The following HYDIN variants were observed in gnomAD, a reference collection of about 807,000 sequenced individuals.
HYDIN encodes the protein axonemal central pair apparatus protein HYDIN.
HYDIN carries 132 observed loss-of-function variants against 403.9 expected under a neutral mutation model. That is an observed-to-expected ratio of 0.33 (90% confidence interval 0.28 to 0.38). The LOEUF is 0.38. HYDIN is among the 10% of genes least tolerant of loss of function. The pLI is 1.00. For missense variants in HYDIN, 2,827 were observed against 5,009.5 expected (o/e 0.56, Z 13.15); for synonymous variants, 1,202 against 1,891.7 (o/e 0.64, Z 9.46).
At chr16:71,010,147 GTGGC>G (rs1272223284) in intron 23 of HYDIN, among the ~76,000 whole-genome samples, 1 of 144,632 alleles carries the variant, frequency 6.9e-6, no homozygotes, top group African/African-American at 2.6e-5. Context: ...AAAATAGGCT[GTGGC>G]CCCTGATTCT....
chr16:70,820,421 T>C (rs1471587747), intron 83 of HYDIN, among the ~76,000 whole-genome samples: 13 of 150,310 alleles, frequency 8.6e-5, no homozygotes, highest in South Asian at 4.3e-4. Context: ...CCTTGTGATC[T>C]GCTCGCCTCG....
rs191641560 is a variant in HYDIN, at chr16:70,877,629, T to C, written c.10557+1668A>G. 3.3e-3 allele frequency among the ~76,000 whole-genome samples: 509 copies of C among 152,244 alleles called. 4 individuals are homozygous for C. Among genetic ancestry groups the C allele is most frequent in the Non-Finnish European group, 5.8e-3 (393 of 68,016 alleles). The stretch of plus-strand genomic sequence containing the variant: ...CAGCCTAGATCCCTCACACGTGCAG[T>C]TCAAAATAGGGTTTGCACTCCTATG... On this transcript the variant is annotated intron_variant, in intron 62 of 85. Transcript: ENST00000393567.
At chr16:71,212,290 G>C (rs1465400929) in intron 1 of HYDIN, among the ~76,000 whole-genome samples, 1 of 152,072 alleles carries the variant, frequency 6.6e-6, no homozygotes, top group African/African-American at 2.4e-5. Flanking sequence ...TGTATATAAG[G>C]GATAAGTGTC....
intron 41 of HYDIN, among the ~76,000 whole-genome samples, chr16:70,944,251 T>C (rs970839508): frequency 1.3e-5 from 2 of 152,230 alleles, no homozygotes; most frequent in African/African-American, 4.8e-5. Context: ...ACTAGGGATA[T>C]AACAACAAAC....
intron 53 of HYDIN, among the ~76,000 whole-genome samples, chr16:70,897,186 TAA>T (rs2076228968): frequency 6.6e-6 from 1 of 151,944 alleles, no homozygotes; most frequent in Admixed American, 6.5e-5. Context: ...AAAAAGTGGG[TAA>T]ATGACATGAA....
At chr16:70,862,655 C>CAAT (rs904355808) in intron 68 of HYDIN, among the ~76,000 whole-genome samples, 5 of 99,010 alleles carry the variant, frequency 5.0e-5, no homozygotes, top group African/African-American at 1.6e-4. Flanking sequence ...GAAGTAACAA[C>CAAT]AATAATAATA....
Position 70,981,409 on chromosome 16 carries a change from G to C in HYDIN, c.4492C>G (p.Leu1498Val). 4 of 1,613,618 alleles carry C rather than the reference G, an allele frequency of 2.5e-6. No individual in the cohort carries two copies. Among genetic ancestry groups the C allele is most frequent in the Non-Finnish European group, 3.4e-6 (4 of 1,179,808 alleles). Residue 1498 changes from leucine (L) to valine (V), a missense_variant, in exon 29 of 86, where the codon CTC becomes GTC. By Grantham distance (32) the Leu-to-Val change is conservative. Coordinates refer to ENST00000393567, the MANE Select transcript of HYDIN (RefSeq NM_001270974.2). ...EGIFPQICLD[L>V]PRNLTANEKY... ...GTACTACCTGTGAGGTTCCTGGGGA[G>C]ATCGAGGCAGATTTGGGGAAAGATT...
At chr16:70,969,097 A>T (rs2078666663) in intron 36 of HYDIN, among the ~76,000 whole-genome samples, 1 of 152,168 alleles carries the variant, frequency 6.6e-6, no homozygotes, top group Non-Finnish European at 1.5e-5. Context: ...TCTGGATAAC[A>T]GAGAAAATAG....
At chr16:70,834,669 G>A (rs1050364232) in intron 78 of HYDIN, among the ~76,000 whole-genome samples, 18 of 152,104 alleles carry the variant, frequency 1.2e-4, no homozygotes, top group African/African-American at 3.6e-4. Flanking sequence ...CCAACATGGC[G>A]AAACCCCGTC....
Position 70,962,123 on chromosome 16 carries a change from G to A in HYDIN, c.5804C>T (p.Thr1935Ile). Reference protein sequence around the residue: ...LAQENEEEDITSSDQGTSNST... With the variant: ...LAQENEEEDIISSDQGTSNST... ...ATTGGAGGTTCCCTGATCTGATGAGGTTATATCTTCCTCTTCTGCCAGGTA... is the reference window on the plus strand; with the variant it reads ...ATTGGAGGTTCCCTGATCTGATGAGATTATATCTTCCTCTTCTGCCAGGTA... Residue 1935 changes from threonine to isoleucine, a missense_variant, in exon 38 of 86, where the codon ACC becomes ATC. Coordinates refer to ENST00000393567, the MANE Select transcript of HYDIN (RefSeq NM_001270974.2). 2.4e-6 allele frequency: 2 copies of A among 834,514 alleles called. No individual in the cohort carries two copies. Among genetic ancestry groups the A allele is most frequent in the South Asian group, 2.0e-5 (1 of 50,256 alleles). The allele number at this position is 834,514 out of a possible 1,614,324, so 51.7% of individuals were successfully genotyped here. A position where few individuals can be genotyped will look rare whatever the true frequency, so the allele number is the denominator to read the frequency against.
chr16:71,020,927 C>T (rs572288395), intron 21 of HYDIN, among the ~76,000 whole-genome samples: 5 of 151,380 alleles, frequency 3.3e-5, no homozygotes, highest in South Asian at 2.1e-4. Context: ...TTGAGAAAAC[C>T]TACAGAAGCC....
chr16:71,089,616 C>A (rs1042464851), intron 11 of HYDIN, among the ~76,000 whole-genome samples: 2 of 152,120 alleles, frequency 1.3e-5, no homozygotes, highest in African/African-American at 4.8e-5. Context: ...GCAAAGGTTA[C>A]AGACATTATT....
intron 67 of HYDIN, among the ~76,000 whole-genome samples, chr16:70,863,618 G>C (rs1236672519): frequency 6.6e-6 from 1 of 152,210 alleles, no homozygotes; most frequent in Admixed American, 6.5e-5. Flanking sequence ...GCTCACACCT[G>C]TAATCCCAGC....
chr16:71,182,870 T>C (rs1369294882), intron 3 of HYDIN, among the ~76,000 whole-genome samples: 6 of 152,130 alleles, frequency 3.9e-5, no homozygotes, highest in Admixed American at 2.6e-4. Flanking sequence ...AATGAGTGAA[T>C]AATCCAACAA....
chr16:71,066,966 C>T, intron 15 of HYDIN: 3 of 684,094 alleles, frequency 4.4e-6, no homozygotes, highest in Non-Finnish European at 8.0e-6. Context: ...AAATGAGCAG[C>T]TCTTCACCTC....
At chr16:71,162,335 A>G (rs1387822457) in intron 6 of HYDIN, among the ~76,000 whole-genome samples, 196 bp downstream of exon 6, 1 of 143,734 alleles carries the variant, frequency 7.0e-6, no homozygotes, top group African/African-American at 2.6e-5. Flanking sequence ...TAATATGGAT[A>G]TAAGATATTA....
intron 1 of HYDIN, among the ~76,000 whole-genome samples, chr16:71,228,651 AAAC>A (rs1225661658): frequency 6.6e-6 from 1 of 152,198 alleles, no homozygotes; most frequent in Non-Finnish European, 1.5e-5. Flanking sequence ...AAAGTCAGGA[AAAC>A]AACAGGTGCT....
At chr16:70,863,309 A>T (rs2039525790) in intron 67 of HYDIN, 127 bp from the exon 68 acceptor site, 1 of 885,890 alleles carries the variant, frequency 1.1e-6, no homozygotes, top group South Asian at 3.0e-5. Context: ...TATTTTTAAA[A>T]AGGCACATTT....
intron 3 of HYDIN, among the ~76,000 whole-genome samples, chr16:71,179,955 G>A (rs2086833884): frequency 6.6e-6 from 1 of 152,234 alleles, no homozygotes; most frequent in Middle Eastern, 3.4e-3. Context: ...AACTGCAGCT[G>A]TAAGTATCCA....
Sources: allele counts gnomAD v4.1 joint callset (sites outside exome capture counted in the v4.1 genomes callset), GRCh38; gene constraint gnomAD v4.1.1; transcripts MANE v1.5; gene names NCBI Gene and HGNC (gene_info 2026-07-23, HGNC 2026-07-21).